Variants in MYH2 observed in about 807,000 individuals in gnomAD.
MYH2 encodes myosin heavy chain 2, also known as myosin-2.
A neutral mutation model predicts 228.1 loss-of-function variants in MYH2; 139 were observed. The observed-to-expected ratio is 0.61, with a 90% CI of 0.53 to 0.70. The LOEUF (loss-of-function observed/expected upper bound fraction) is 0.70. MYH2 is among the 30% of genes least tolerant of loss of function. MYH2 has a pLI of 0.00. For synonymous variants in MYH2, 796 were observed against 871.1 expected (o/e 0.91, Z 1.52); for missense variants, 1,809 against 2,357.5 (o/e 0.77, Z 4.82).
intron 10 of MYH2, among the ~76,000 whole-genome samples, chr17:10,542,280 CA>C (rs1457155189): frequency 3.3e-5 from 5 of 152,012 alleles, no homozygotes; most frequent in South Asian, 4.2e-4. Flanking sequence ...TCTCAACAAA[CA>C]AACAAACAAA....
At chr17:10,546,905 C>T (rs549383674) in intron 4 of MYH2, among the ~76,000 whole-genome samples, 5 of 150,224 alleles carry the variant, frequency 3.3e-5, no homozygotes, top group South Asian at 4.3e-4. Context: ...CATAGTGAAA[C>T]TCTGTCTCTG....
intron 4 of MYH2, among the ~76,000 whole-genome samples, chr17:10,546,291 A>ATATATATATATATATATC (rs2073631303): frequency 7.0e-6 from 1 of 142,612 alleles, no homozygotes; most frequent in African/African-American, 2.6e-5. Flanking sequence ...ATATATATAC[A>ATATATATATATATATATC]TCATGATTAC....
Position 10,543,970 on chromosome 17 carries a change from G to A in MYH2, c.580C>T (p.Gln194Ter). ...GTAACTGCAATTGTTGCAAAGTACT[G>A]GATGACACGCTTGGTGTTCACAGTC... The part of the protein sequence containing the change: ...GKTVNTKRVI[Q>*]YFATIAVTGE... The change falls in exon 7 of 40, where the codon CAG becomes TAG. Residue 194 changes from glutamine to a stop codon, truncating the protein, a stop_gained. Coordinates refer to ENST00000245503, the MANE Select transcript of MYH2 (RefSeq NM_017534.6). LOFTEE classifies it high-confidence loss of function. 1 of 1,614,188 alleles carries A rather than the reference G, an allele frequency of 6.2e-7. No homozygotes were observed. Among genetic ancestry groups the A allele is most frequent in the Non-Finnish European group, 8.5e-7 (1 of 1,180,032 alleles).
At position 10,525,560 on chromosome 17, in the gene MYH2, G is replaced by A. The variant is rs1327142650; in HGVS notation, c.4428C>T (p.Ser1476=). Residue 1476 remains serine (S), a synonymous_variant, in exon 32 of 40, where the codon TCC becomes TCT. Coordinates refer to ENST00000245503, the MANE Select transcript of MYH2 (RefSeq NM_017534.6). This position sits in a 1 kb window ranked among gnomAD's most constrained non-coding sequence, Gnocchi z 4.2. ...CEETHAELEA[S]QKEARSLGTE... ...TGCCAAGGGAACGGGCCTCCTTCTGGGAGGCCTCAAGCTCAGCATGCGTTT... is the reference window on the plus strand; with the variant it reads ...TGCCAAGGGAACGGGCCTCCTTCTGAGAGGCCTCAAGCTCAGCATGCGTTT... The A allele has an allele frequency of 3.1e-6, 5 of 1,613,994 alleles. No individual in the cohort carries two copies. The highest frequency in any genetic ancestry group is 4.2e-6 in the Non-Finnish European group (5 of 1,180,036).
chr17:10,538,616 G>T (rs1300961194), intron 14 of MYH2, among the ~76,000 whole-genome samples: 2 of 149,702 alleles, frequency 1.3e-5, no homozygotes, highest in Non-Finnish European at 3.0e-5. Flanking sequence ...TTGCACTCCA[G>T]CCTGGGCAAC....
intron 9 of MYH2, 35 bp from the exon 10 acceptor site, chr17:10,543,008 A>G (rs1169065129): frequency 6.3e-7 from 1 of 1,594,634 alleles, no homozygotes; most frequent in South Asian, 1.1e-5. Context: ...AGAAAATTGT[A>G]AAAATTCATG....
At position 10,533,339 on chromosome 17, in the gene MYH2, G is replaced by A. The variant is rs1200040691; in HGVS notation, c.2387C>T (p.Ala796Val). 2 of 1,614,050 alleles carry A rather than the reference G, an allele frequency of 1.2e-6. No homozygotes were observed. The highest frequency in any genetic ancestry group is 1.6e-4 in the Middle Eastern group (1 of 6,082). ...KLAQLITRTQ[A>V]RCRGFLARVE... is the part of the protein sequence containing the mutation. ...TCTTGCCAAGAACCCTCTGCACCTG[G>A]CCTGGGTTCGGGTAATCAGCTGGGC... is the stretch of plus-strand genomic sequence containing the variant. The change falls in exon 21 of 40, where the codon GCC (alanine) becomes GTC (valine). Residue 796 changes from alanine to valine, a missense_variant. By Grantham distance (64) the Ala-to-Val change is moderately conservative. Around this residue, in one of 9 missense-constraint regions of MYH2, gnomAD observed 276 missense variants for 344.2 expected, o/e 0.80. Transcript: ENST00000245503.
intron 27 of MYH2, 29 bp from the exon 28 acceptor site, chr17:10,527,903 C>T: frequency 6.2e-7 from 1 of 1,609,142 alleles, no homozygotes. Flanking sequence ...AAGAAGAAAA[C>T]AGAGACCTTT....
chr17:10,527,694 G>T, intron 28 of MYH2, 54 bp downstream of exon 28: 2 of 1,612,386 alleles, frequency 1.2e-6, no homozygotes, highest in Non-Finnish European at 1.7e-6. Flanking sequence ...TCAGTCCGTT[G>T]TTCTTAATCA....
intron 13 of MYH2, 31 bp downstream of exon 13, chr17:10,539,413 C>A: frequency 6.2e-7 from 1 of 1,614,086 alleles, no homozygotes; most frequent in Non-Finnish European, 8.5e-7. Context: ...ATGCTTTCAT[C>A]CCTGGCAGTT....
rs765594168 is a variant in MYH2 at position 10,531,622 on chromosome 17, T to G, written c.2697+11A>C. On this transcript the variant is annotated intron_variant, in intron 22 of 39. Transcript: ENST00000245503. ...CTGGTTAGTGATACCAAGGGTGATA[T>G]TCCAACTCACAGCCTGAACTTGGAG... 1 of 1,614,192 alleles carries G rather than the reference T, an allele frequency of 6.2e-7. No homozygotes were observed. Among genetic ancestry groups the G allele is most frequent in the Admixed American group, 1.7e-5 (1 of 60,028 alleles).
At position 10,547,461 on chromosome 17, in the gene MYH2, C is replaced by T. The variant is rs2073649664; in HGVS notation, c.348+14G>A. 2 of 1,613,984 alleles carry T rather than the reference C, an allele frequency of 1.2e-6. No homozygotes were observed. The highest frequency in any genetic ancestry group is 8.5e-7 in the Non-Finnish European group (1 of 1,179,922). On this transcript the variant is annotated intron_variant, in intron 4 of 39. Coordinates refer to ENST00000245503, the MANE Select transcript of MYH2 (RefSeq NM_017534.6). ...TGAGGATGATTATACAGAGCACTGG[C>T]AGGGGACACTCACGTAGATCATCCA...
At chr17:10,530,292 A>C (rs1393248532) in intron 22 of MYH2, among the ~76,000 whole-genome samples, 1 of 152,266 alleles carries the variant, frequency 6.6e-6, no homozygotes, top group Non-Finnish European at 1.5e-5. Flanking sequence ...AAAAGAATGT[A>C]TTCTACAGTA....
In MYH2 at chr17:10,526,786, C is replaced by A. The variant is rs779257410; in HGVS notation, c.4000G>T (p.Ala1334Ser). The A allele has an allele frequency of 9.3e-6, 15 of 1,614,204 alleles. No homozygotes were observed. The Middle Eastern group carries it at 4.9e-4, about 53-fold the overall frequency. Residue 1334 changes from alanine (A) to serine (S), a missense_variant, in exon 30 of 40, where the codon GCC becomes TCC. By Grantham distance (99) the Ala-to-Ser change is moderately conservative (BLOSUM62 1). Around this residue, in one of 9 missense-constraint regions of MYH2, gnomAD observed 636 missense variants for 729.9 expected, o/e 0.87. Transcript: ENST00000245503. The part of the protein sequence containing the change: ...QLEEEIKAKN[A>S]LAHALQSSRH... ...GAAGACTGCAGGGCATGCGCCAGGGCGTTCTTGGCCTATGGAGGCAGTTAC... is the reference window on the plus strand; with the variant it reads ...GAAGACTGCAGGGCATGCGCCAGGGAGTTCTTGGCCTATGGAGGCAGTTAC...
chr17:10,524,693 ACAT>A lies in MYH2; in HGVS notation c.4972-27_4972-25del, dbSNP rs1394354654. The A allele has an allele frequency of 1.2e-6, 2 of 1,614,224 alleles. No individual in the cohort carries two copies. Among genetic ancestry groups the A allele is most frequent in the Non-Finnish European group, 8.5e-7 (1 of 1,180,046 alleles). On this transcript the variant is annotated intron_variant, in intron 34 of 39. Coordinates refer to ENST00000245503, the MANE Select transcript of MYH2 (RefSeq NM_017534.6). The surrounding 1 kb of genome is among the most constrained non-coding windows in gnomAD (Gnocchi z 4.7). ...TCCTGTGAAACAAACCATCATTGAG[ACAT>A]CATGTTCTCAGGGTTGCAGGCACCC...
intron 11 of MYH2, 54 bp from the exon 12 acceptor site, chr17:10,540,120 T>C: frequency 6.2e-7 from 1 of 1,609,030 alleles, no homozygotes; most frequent in South Asian, 1.1e-5. Flanking sequence ...ACGCTTACTG[T>C]TAATACTGCA....
chr17:10,545,179 A>T (rs1220277327), intron 5 of MYH2, among the ~76,000 whole-genome samples, 167 bp downstream of exon 5: 2 of 152,212 alleles, frequency 1.3e-5, no homozygotes, highest in Non-Finnish European at 2.9e-5. Context: ...AATATTACGC[A>T]TTACAAATCA....
At position 10,548,067 on chromosome 17, in the gene MYH2, T is replaced by A. The variant is rs976512634; in HGVS notation, c.-20-127A>T. On this transcript the variant is annotated intron_variant, in intron 2 of 39. Coordinates refer to ENST00000245503, the MANE Select transcript of MYH2 (RefSeq NM_017534.6). ...TAGACAGGTCTACTGTTCACCATAC[T>A]ATAGTTACTGAGACAAACATAATCA... 4 of 796,738 alleles carry A rather than the reference T, an allele frequency of 5.0e-6. No individual in the cohort carries two copies. In the African/African-American group the frequency reaches 6.9e-5, roughly 14 times the overall value. 49.4% of individuals were successfully genotyped at this position (796,738 alleles called of 1,614,324 possible).
rs141450971 is a variant in MYH2 at position 10,521,458 on chromosome 17, G to C, written c.5674-26C>G. On this transcript the variant is annotated intron_variant, in intron 39 of 39. Transcript: ENST00000245503. The stretch of plus-strand genomic sequence containing the variant: ...CTGAGAATAAAAATGGAATTGTAAG[G>C]AACTCATACTTGCATCTTTCTAGAC... 1,019 of 1,612,136 alleles carry C rather than the reference G, an allele frequency of 6.3e-4. 9 individuals are homozygous for C. In the African/African-American group the frequency reaches 0.012, roughly 19 times the overall value.
Sources: gnomAD v4.1 joint callset for allele counts (sites outside exome capture counted in the v4.1 genomes callset) on GRCh38, gnomAD v4.1.1 for gene constraint, gnomAD v4.1.1 regional missense constraint, Gnocchi (gnomAD v3.1) non-coding constraint, MANE v1.5 for transcripts, NCBI Gene and HGNC (gene_info 2026-07-23, HGNC 2026-07-21) for gene names.